Variants in POLQ observed in about 807,000 individuals in gnomAD.
POLQ encodes epididymis secretory sperm binding protein.
In POLQ, 233 loss-of-function variants were observed where a neutral mutation model predicts 259.2. The ratio of observed to expected loss-of-function variants is 0.90; its 90% CI spans 0.81 to 1.00. The LOEUF is 1.00. Ranked by LOEUF, POLQ falls within the 50% of genes least tolerant of loss-of-function variation. The pLI is 0.00. For synonymous variants in POLQ, 1,025 were observed against 1,048.8 expected (o/e 0.98, Z 0.44); for missense variants, 2,871 against 3,051.6 (o/e 0.94, Z 1.39).
chr3:121,435,416 A>C (rs566353461), intron 28 of POLQ, among the ~76,000 whole-genome samples: 7 of 152,358 alleles, frequency 4.6e-5, no homozygotes, highest in African/African-American at 1.7e-4. Context: ...ATCAGAGAAC[A>C]CTGAAGGTCA....
In POLQ at chr3:121,488,706, T is replaced by C. The variant is rs1239900236; in HGVS notation, c.4225A>G (p.Ile1409Val). 3.1e-6 allele frequency: 5 copies of C among 1,613,892 alleles called. No homozygotes were observed. In the East Asian group the frequency reaches 8.9e-5, roughly 29 times the overall value. Residue 1409 changes from isoleucine (I) to valine (V), a missense_variant, in exon 16 of 30, where the codon ATC becomes GTC. Coordinates refer to ENST00000264233, the MANE Select transcript of POLQ (RefSeq NM_199420.4). Reference sequence around the variant, plus strand: ...AAAATCGGGCTTTCTGGAGTCAGGATATCAACCCCATGTGAATCACTGCTT... The same window carrying C: ...AAAATCGGGCTTTCTGGAGTCAGGACATCAACCCCATGTGAATCACTGCTT... The part of the protein sequence containing the change: ...KQSSDSHGVD[I>V]LTPESPIFHS...
intron 9 of POLQ, among the ~76,000 whole-genome samples, chr3:121,519,670 C>T (rs533010263): frequency 3.0e-4 from 40 of 132,508 alleles, no homozygotes; most frequent in African/African-American, 8.7e-4. Flanking sequence ...AGCGAGACTC[C>T]GTCTCAAAAA....
At chr3:121,511,215 G>A (rs1157012835) in intron 10 of POLQ, among the ~76,000 whole-genome samples, 1 of 118,048 alleles carries the variant, frequency 8.5e-6, no homozygotes, top group Non-Finnish European at 1.7e-5. Flanking sequence ...GACAGAGCGA[G>A]ACTCCGTCTC....
chr3:121,516,098 G>A (rs1001448003), intron 9 of POLQ, among the ~76,000 whole-genome samples: 4 of 151,802 alleles, frequency 2.6e-5, no homozygotes, highest in African/African-American at 9.7e-5. Flanking sequence ...TTAGGGAGTT[G>A]GAGGGATGAG....
chr3:121,500,141 G>A (rs568872171), intron 12 of POLQ, among the ~76,000 whole-genome samples: 30 of 152,210 alleles, frequency 2.0e-4, no homozygotes, highest in Non-Finnish European at 2.6e-4. Context: ...AATTAGCCAG[G>A]GATGATGGCA....
At chr3:121,525,670 T>C (rs560167746) in intron 7 of POLQ, among the ~76,000 whole-genome samples, 1 of 152,280 alleles carries the variant, frequency 6.6e-6, no homozygotes, top group Admixed American at 6.5e-5. Context: ...GTCCGTGCCA[T>C]AAAAAAAGTC....
chr3:121,494,631 G>C, intron 14 of POLQ: 1 of 1,509,866 alleles, frequency 6.6e-7, no homozygotes, highest in Non-Finnish European at 9.1e-7. Flanking sequence ...GCCCTGTGTC[G>C]TAAAATGGGG....
At chr3:121,505,929 G>A (rs2048204976) in intron 12 of POLQ, among the ~76,000 whole-genome samples, 2 of 150,972 alleles carry the variant, frequency 1.3e-5, no homozygotes, top group Non-Finnish European at 1.5e-5. Context: ...GGCTGAGGCA[G>A]GAGAATCGCT....
At position 121,432,333 on chromosome 3, in the gene POLQ, A is replaced by G. The variant is rs2047500937; in HGVS notation, c.7744T>C (p.Trp2582Arg). The change falls in exon 30 of 30, where the codon TGG (tryptophan) becomes CGG (arginine). Residue 2582 changes from tryptophan to arginine, a missense_variant. This residue lies in a region of POLQ where 2,080 missense variants were observed against 2,126.0 expected (regional missense o/e 0.98). Coordinates refer to ENST00000264233, the MANE Select transcript of POLQ (RefSeq NM_199420.4). ...ACATCAAAGTCCTTTAGCTCTCCCC[A>G]GCTGGCGCCTATTTTCACTTTCACT... ...LKVKVKIGAS[W>R]GELKDFDV is the part of the protein sequence containing the mutation. 3 of 1,607,062 alleles carry G rather than the reference A, an allele frequency of 1.9e-6. No individual in the cohort carries two copies. Among genetic ancestry groups the G allele is most frequent in the East Asian group, 2.3e-5 (1 of 44,276 alleles).
At position 121,490,033 on chromosome 3, in the gene POLQ, TG is replaced by T; in HGVS notation, c.2897del (p.Thr966LysfsTer29). The stretch of plus-strand genomic sequence containing the variant: ...TCTGGAAATTACAATTAAAGGAACT[TG>T]TATGCTCTCTACTTTTATTTAAGTC... ...VQDLNKSREH[T>X]SSFNCNFQNG... On this transcript the variant is annotated frameshift_variant, in exon 16 of 30. Transcript: ENST00000264233. LOFTEE classifies it high-confidence loss of function. The T allele has an allele frequency of 1.3e-6, 2 of 1,575,236 alleles. No homozygotes were observed. The highest frequency in any genetic ancestry group is 8.6e-7 in the Non-Finnish European group (1 of 1,166,640).
chr3:121,461,226 T>C (rs2047788992), intron 24 of POLQ, among the ~76,000 whole-genome samples: 1 of 152,210 alleles, frequency 6.6e-6, no homozygotes, highest in Admixed American at 6.5e-5. Context: ...TTTAACAGTG[T>C]CTATCGAAAT....
chr3:121,514,379 A>AC (rs2048279728), intron 9 of POLQ, among the ~76,000 whole-genome samples: 1 of 150,584 alleles, frequency 6.6e-6, no homozygotes, highest in African/African-American at 2.4e-5. Flanking sequence ...AAAAAAAAAA[A>AC]CCCAAAACTT....
intron 25 of POLQ, among the ~76,000 whole-genome samples, chr3:121,456,124 A>G (rs568670110): frequency 8.5e-5 from 13 of 152,204 alleles, no homozygotes; most frequent in South Asian, 6.2e-4. Context: ...AGAAACAGAG[A>G]AAAAAAACAC....
intron 24 of POLQ, among the ~76,000 whole-genome samples, chr3:121,466,186 C>G (rs1035405330): frequency 3.3e-5 from 5 of 151,466 alleles, no homozygotes; most frequent in African/African-American, 1.2e-4. Context: ...AAGTCTAATC[C>G]AGAGCAAGGA....
intron 25 of POLQ, among the ~76,000 whole-genome samples, chr3:121,454,787 A>G (rs2047717003): frequency 6.6e-6 from 1 of 152,182 alleles, no homozygotes; most frequent in South Asian, 2.1e-4. Flanking sequence ...ATAATGGGAG[A>G]CTTTAACACC....
chr3:121,509,976 C>T, intron 11 of POLQ, 63 bp downstream of exon 11: 2 of 1,232,940 alleles, frequency 1.6e-6, no homozygotes, highest in South Asian at 2.5e-5. Flanking sequence ...ATTCACTGAG[C>T]AGTCATACAA....
rs138695432 is a variant in POLQ at position 121,496,923 on chromosome 3, G to A, written c.2163C>T (p.Thr721=). The change falls in exon 14 of 30, where the codon ACC becomes ACT. Residue 721 remains threonine (T), a synonymous_variant. Transcript: ENST00000264233. ...TGATTAAATCTAATAGCACAAGACT[G>A]GTGAAAAACCTGGGAATAAATCATC... The part of the protein sequence containing the change: ...RQMAIHKRFF[T]SLVLLDLISE... 87 of 1,611,520 alleles carry A rather than the reference G, an allele frequency of 5.4e-5. No homozygotes were observed. The Admixed American group carries it at 1.1e-3, about 20-fold the overall frequency.
intron 10 of POLQ, 112 bp downstream of exon 10, chr3:121,511,775 C>T: frequency 2.3e-6 from 2 of 887,172 alleles, no homozygotes; most frequent in Non-Finnish European, 3.3e-6. Context: ...GAGACTCTGT[C>T]TCAAAAATAA....
intron 9 of POLQ, among the ~76,000 whole-genome samples, chr3:121,519,358 T>TTATATA (rs1560105364): frequency 4.6e-4 from 28 of 60,664 alleles, no homozygotes; most frequent in Admixed American, 1.6e-3. Flanking sequence ...CAACAGTTGA[T>TTATATA]GATATATATA....
Sources: allele counts gnomAD v4.1 joint callset (sites outside exome capture counted in the v4.1 genomes callset), GRCh38; gene constraint gnomAD v4.1.1; regional missense constraint gnomAD v4.1.1; transcripts MANE v1.5; gene names NCBI Gene and HGNC (gene_info 2026-07-23, HGNC 2026-07-21).